ZXDC: variants seen among roughly 807,000 people sequenced by gnomAD.
The protein encoded by ZXDC is ZXD family zinc finger C.
Under a neutral mutation model 63.6 loss-of-function variants are expected in ZXDC, and 58 were observed. That is an observed-to-expected ratio of 0.91 (90% CI 0.74 to 1.13). The LOEUF (loss-of-function observed/expected upper bound fraction) is 1.13. ZXDC is among the 50% of genes most tolerant of loss of function. ZXDC has a pLI of 0.00. For missense variants in ZXDC, 1,133 were observed against 1,148.9 expected (o/e 0.99, Z 0.20); for synonymous variants, 561 against 496.1 (o/e 1.13, Z -1.74).
At chr3:126,473,140 C>T (rs1415281063) in intron 1 of ZXDC, among the ~76,000 whole-genome samples, 1 of 152,202 alleles carries the variant, frequency 6.6e-6, no homozygotes, top group Admixed American at 6.5e-5. Flanking sequence ...CTCAGAAATG[C>T]TGATCTTTGG....
intron 7 of ZXDC, chr3:126,454,627 C>T (rs777503): frequency 0.67 from 663,503 of 985,104 alleles, 225,201 homozygotes; most frequent in South Asian, 0.74. Context: ...CCTCATTACA[C>T]TTCACTGTGA....
intron 9 of ZXDC, among the ~76,000 whole-genome samples, chr3:126,439,058 G>C (rs577933010): frequency 1.4e-4 from 21 of 152,318 alleles, no homozygotes; most frequent in African/African-American, 4.8e-4. Context: ...TGCAGCCTGG[G>C]TGCCCGGCCC....
At chr3:126,471,603 A>G (rs917382681) in intron 3 of ZXDC, among the ~76,000 whole-genome samples, 1 of 152,146 alleles carries the variant, frequency 6.6e-6, no homozygotes, top group African/African-American at 2.4e-5. Context: ...CACACATGTA[A>G]AGTGCTGAGT....
intron 7 of ZXDC, among the ~76,000 whole-genome samples, chr3:126,448,945 G>A (rs892645271): frequency 3.3e-5 from 5 of 152,224 alleles, no homozygotes; most frequent in Non-Finnish European, 5.9e-5. Context: ...CACGGCAGGA[G>A]GTGCAGGAAC....
At chr3:126,446,039 A>G (rs1055577622) in intron 7 of ZXDC, among the ~76,000 whole-genome samples, 1 of 152,246 alleles carries the variant, frequency 6.6e-6, no homozygotes, top group African/African-American at 2.4e-5. Flanking sequence ...ATCAAATGCA[A>G]TATGATCAAT....
chr3:126,446,172 C>A (rs1933875166), intron 7 of ZXDC, among the ~76,000 whole-genome samples: 2 of 152,162 alleles, frequency 1.3e-5, no homozygotes, highest in Non-Finnish European at 2.9e-5. Flanking sequence ...CAATCATTAT[C>A]CAAAATGCTT....
intron 7 of ZXDC, chr3:126,443,159 A>T (rs1469168664): frequency 6.6e-6 from 1 of 152,228 alleles, no homozygotes; most frequent in African/African-American, 2.4e-5. Flanking sequence ...GCTAACCAGG[A>T]GGTTTCTGGG....
intron 4 of ZXDC, 106 bp downstream of exon 4, chr3:126,470,789 T>C: frequency 6.8e-7 from 1 of 1,467,954 alleles, no homozygotes; most frequent in East Asian, 2.3e-5. Context: ...TTATATTGAG[T>C]CAGTCTTTAA....
rs1935199756 is a variant in ZXDC at position 126,475,734 on chromosome 3, C to G, written c.132G>C (p.Arg44=). ...CCCCGGGCCCGCCATCTTCAGGGCC[C>G]CGCACCAGTAGCAGGCGGCGGCGCG... ...SPARRRLLLV[R]GPEDGGPGAR... Residue 44 remains arginine (R), a synonymous_variant, in exon 1 of 10, where the codon CGG becomes CGC. Coordinates refer to ENST00000389709, the MANE Select transcript of ZXDC (RefSeq NM_025112.5). The G allele has an allele frequency of 1.2e-5, 14 of 1,199,512 alleles. No homozygotes were observed. The highest frequency in any genetic ancestry group is 1.4e-5 in the Non-Finnish European group (14 of 969,378). 74.3% of individuals were successfully genotyped at this position (1,199,512 alleles called of 1,614,324 possible). A position where few individuals can be genotyped will look rare whatever the true frequency, so the allele number is the denominator to read the frequency against.
Position 126,467,095 on chromosome 3 carries a change from T to G in ZXDC, c.1271-770A>C, listed in dbSNP as rs1489865905. Among the ~76,000 whole-genome samples the G allele has an allele frequency of 2.6e-5, 4 of 152,000 alleles. No homozygotes were observed. In the South Asian group the frequency reaches 6.2e-4, roughly 24 times the overall value. ...GGCAGAAGGAAGTCAGTGCCAACAC[T>G]GAAACATGCAAGCAGCAGAGGAAAC... On this transcript the variant is annotated intron_variant, in intron 4 of 9. Transcript: ENST00000389709.
chr3:126,442,171 C>CTAT lies in ZXDC; in HGVS notation c.2213-226_2213-225insATA, dbSNP rs1400690059. 9 of 461,640 alleles carry CTAT rather than the reference C, an allele frequency of 1.9e-5. No homozygotes were observed. The Admixed American group carries it at 3.6e-4, about 19-fold the overall frequency. The allele number at this position is 461,640 out of a possible 1,614,324, so 28.6% of individuals were successfully genotyped here. ...GATTTTGATTTTAAAAATGTAAAAA[C>CTAT]ATCATACGTATTTTTTTGCCAGACG... is the stretch of plus-strand genomic sequence containing the variant. On this transcript the variant is annotated intron_variant, in intron 7 of 9. Transcript: ENST00000389709.
intron 5 of ZXDC, among the ~76,000 whole-genome samples, chr3:126,465,085 G>A (rs1050706893): frequency 1.3e-5 from 2 of 152,194 alleles, no homozygotes; most frequent in African/African-American, 4.8e-5. Flanking sequence ...CCCCAAAGCC[G>A]GTGCTCTGCT....
In ZXDC at chr3:126,455,999, C is replaced by CA. The variant is rs1324111817; in HGVS notation, c.2212+3653dup. Among the ~76,000 whole-genome samples the CA allele has an allele frequency of 8.2e-3, 1,166 of 141,604 alleles. 14 individuals are homozygous for CA. The highest frequency in any genetic ancestry group is 0.028 in the African/African-American group (1,053 of 38,072). The allele number at this position is 141,604 out of a possible 152,430, so 92.9% of individuals were successfully genotyped here. ...GGGGCGACAGAGCAAGACTCCATCT[C>CA]AAAAAAAAACAAAAAAAAAAGAATC... On this transcript the variant is annotated intron_variant, in intron 7 of 9. Coordinates refer to ENST00000389709, the MANE Select transcript of ZXDC (RefSeq NM_025112.5).
chr3:126,468,296 T>C lies in ZXDC; in HGVS notation c.1271-1971A>G, dbSNP rs544655221. 2.7e-5 allele frequency among the ~76,000 whole-genome samples: 4 copies of C among 150,058 alleles called. No individual in the cohort carries two copies. In the East Asian group the frequency reaches 7.9e-4, roughly 30 times the overall value. On this transcript the variant is annotated intron_variant, in intron 4 of 9. Transcript: ENST00000389709. Reference sequence around the variant, plus strand: ...CAGACATACTTCTGGTCTGTGGCCTTGTCCTTTCCTCCTCCTCCTGTTACT... The same window carrying C: ...CAGACATACTTCTGGTCTGTGGCCTCGTCCTTTCCTCCTCCTCCTGTTACT...
chr3:126,445,526 G>A (rs1007532900), intron 7 of ZXDC, among the ~76,000 whole-genome samples: 1 of 151,848 alleles, frequency 6.6e-6, no homozygotes. Flanking sequence ...TCCTGTTTTT[G>A]TGTGCACTCC....
intron 7 of ZXDC, chr3:126,450,723 C>T: frequency 2.8e-6 from 1 of 352,048 alleles, no homozygotes; most frequent in South Asian, 2.1e-5. Context: ...ACCAGGTGTG[C>T]AAAGATTTTT....
At chr3:126,454,695 G>C in intron 7 of ZXDC, 1 of 985,422 alleles carries the variant, frequency 1.0e-6, no homozygotes. Flanking sequence ...CCTCTGATAA[G>C]CACCACACTT....
At chr3:126,474,793 G>T (rs1479696403) in intron 1 of ZXDC, among the ~76,000 whole-genome samples, 166 bp downstream of exon 1, 1 of 152,254 alleles carries the variant, frequency 6.6e-6, no homozygotes, top group Non-Finnish European at 1.5e-5. Flanking sequence ...GCAGGGCAGG[G>T]CCAAGATCTC....
intron 7 of ZXDC, among the ~76,000 whole-genome samples, chr3:126,455,365 T>C (rs1033041400): frequency 2.0e-5 from 3 of 152,150 alleles, no homozygotes; most frequent in African/African-American, 7.2e-5. Context: ...TTAACATACA[T>C]AAATACTAGC....
Sources: allele counts gnomAD v4.1 joint callset (sites outside exome capture counted in the v4.1 genomes callset), GRCh38; gene constraint gnomAD v4.1.1; transcripts MANE v1.5; gene names NCBI Gene and HGNC (gene_info 2026-07-23, HGNC 2026-07-21).